The following SPIDR variants were observed in gnomAD, a reference collection of about 807,000 sequenced individuals.
The protein encoded by SPIDR is DNA repair-scaffolding protein.
Under a neutral mutation model 104.6 loss-of-function variants are expected in SPIDR, and 93 were observed. The observed-to-expected ratio is 0.89, with a 90% CI of 0.75 to 1.06. The LOEUF (loss-of-function observed/expected upper bound fraction) is 1.06, where lower values mean the gene tolerates loss of function less well. Ranked by LOEUF, SPIDR falls within the 50% of genes least tolerant of loss-of-function variation. The probability of loss-of-function intolerance (pLI) is 0.00; values close to 1 mark genes in which losing one functional copy is unlikely to be tolerated. For missense variants in SPIDR, 1,154 were observed against 1,111.2 expected (o/e 1.04, Z -0.55); for synonymous variants, 431 against 416.9 (o/e 1.03, Z -0.41).
At chr8:47,713,281 G>A (rs2082125397) in intron 15 of SPIDR, 2 of 674,774 alleles carry the variant, frequency 3.0e-6, no homozygotes, top group East Asian at 2.7e-5. Flanking sequence ...ACCCTGTGTG[G>A]ATTGACTTGA....
At chr8:47,505,655 G>C (rs746092625) in intron 8 of SPIDR, among the ~76,000 whole-genome samples, 4 of 152,004 alleles carry the variant, frequency 2.6e-5, no homozygotes, top group Non-Finnish European at 1.5e-5. Context: ...ATACTCCCCA[G>C]TGCGATACCT....
chr8:47,613,089 A>G (rs2063809200), intron 10 of SPIDR, among the ~76,000 whole-genome samples: 1 of 152,214 alleles, frequency 6.6e-6, no homozygotes, highest in Non-Finnish European at 1.5e-5. Context: ...CCAACTCTAT[A>G]TCATTCCAAA....
chr8:47,306,137 A>G (rs2043055888), intron 5 of SPIDR, among the ~76,000 whole-genome samples: 1 of 152,068 alleles, frequency 6.6e-6, no homozygotes, highest in South Asian at 2.1e-4. Context: ...CCATGTTGTT[A>G]GAATTTTTTA....
intron 5 of SPIDR, among the ~76,000 whole-genome samples, chr8:47,356,435 A>G (rs1170172595): frequency 6.6e-6 from 1 of 152,192 alleles, no homozygotes; most frequent in Non-Finnish European, 1.5e-5. Context: ...TTAACCAAAT[A>G]TGTCTCCTGA....
chr8:47,555,915 A>G (rs1163205557), intron 8 of SPIDR, among the ~76,000 whole-genome samples: 1 of 152,264 alleles, frequency 6.6e-6, no homozygotes, highest in Non-Finnish European at 1.5e-5. Flanking sequence ...GAATGTTGAC[A>G]GTAGTCTGTC....
At chr8:47,448,636 G>A (rs2071130284) in intron 8 of SPIDR, among the ~76,000 whole-genome samples, 1 of 152,026 alleles carries the variant, frequency 6.6e-6, no homozygotes, top group Non-Finnish European at 1.5e-5. Context: ...TAGGGTGGGT[G>A]GTTATGTATG....
At chr8:47,299,726 T>G (rs1176454807) in intron 5 of SPIDR, among the ~76,000 whole-genome samples, 5 of 152,244 alleles carry the variant, frequency 3.3e-5, no homozygotes, top group Non-Finnish European at 7.3e-5. Flanking sequence ...TTTTACTCGT[T>G]GGTTCTGTTT....
intron 8 of SPIDR, among the ~76,000 whole-genome samples, chr8:47,492,392 T>C (rs2078859393): frequency 6.6e-6 from 1 of 152,184 alleles, no homozygotes; most frequent in Non-Finnish European, 1.5e-5. Flanking sequence ...CAGCCAGGTC[T>C]CTCATCCCCA....
rs370670349 is a variant in SPIDR, at chr8:47,495,989, G to C, written c.1097+55447G>C. ...TTTTAATTTCATTTTCATATTGTCTGATCATATAGAAATACAATTTAAATT... is the reference window on the plus strand; with the variant it reads ...TTTTAATTTCATTTTCATATTGTCTCATCATATAGAAATACAATTTAAATT... On this transcript the variant is annotated intron_variant, in intron 8 of 19. Coordinates refer to ENST00000297423, the MANE Select transcript of SPIDR (RefSeq NM_001080394.4). 2.6e-5 allele frequency among the ~76,000 whole-genome samples: 4 copies of C among 151,954 alleles called. No homozygotes were observed. In the East Asian group the frequency reaches 7.7e-4, roughly 29 times the overall value.
intron 3 of SPIDR, among the ~76,000 whole-genome samples, chr8:47,287,013 TAAAG>T (rs1465890136): frequency 1.3e-5 from 2 of 151,936 alleles, no homozygotes; most frequent in African/African-American, 4.8e-5. Context: ...AGCTGAGAAA[TAAAG>T]AGAAAGAGTA....
chr8:47,721,804 G>A (rs943324514), intron 16 of SPIDR, among the ~76,000 whole-genome samples: 2 of 152,078 alleles, frequency 1.3e-5, no homozygotes, highest in Non-Finnish European at 1.5e-5. Flanking sequence ...TCTTGAAGTC[G>A]GGTACTGTCA....
rs199888365 is a variant in SPIDR at position 47,396,494 on chromosome 8, A to G, written c.644A>G (p.Asp215Gly). ...AAATACCACGTGCAGTTTGCATCGG[A>G]TGCAAGACAGATTATGGAGAGACTG... ...PHKYHVQFAS[D>G]ARQIMERLID... Residue 215 changes from aspartate (D) to glycine (G), a missense_variant, in exon 6 of 20, where the codon GAT becomes GGT. By Grantham distance (94) the Asp-to-Gly change is moderately conservative (BLOSUM62 -1). Coordinates refer to ENST00000297423, the MANE Select transcript of SPIDR (RefSeq NM_001080394.4). 442 of 1,614,178 alleles carry G rather than the reference A, an allele frequency of 2.7e-4. 8 individuals are homozygous for G. The South Asian group carries it at 4.6e-3, about 17-fold the overall frequency.
At chr8:47,470,188 T>A (rs2075474330) in intron 8 of SPIDR, among the ~76,000 whole-genome samples, 2 of 152,204 alleles carry the variant, frequency 1.3e-5, no homozygotes, top group African/African-American at 4.8e-5. Context: ...AGTAGGGTAC[T>A]AGTATAAGGA....
At chr8:47,321,796 C>G (rs938717302) in intron 5 of SPIDR, among the ~76,000 whole-genome samples, 2 of 152,126 alleles carry the variant, frequency 1.3e-5, no homozygotes, top group Non-Finnish European at 2.9e-5. Context: ...TGCCACATAT[C>G]TACAACCATC....
At chr8:47,330,389 A>G (rs1361771359) in intron 5 of SPIDR, among the ~76,000 whole-genome samples, 1 of 152,200 alleles carries the variant, frequency 6.6e-6, no homozygotes, top group Admixed American at 6.5e-5. Flanking sequence ...ACTAGTTTCT[A>G]TCAGGGTTAA....
intron 7 of SPIDR, among the ~76,000 whole-genome samples, chr8:47,431,655 T>C (rs2067382302): frequency 6.6e-6 from 1 of 152,170 alleles, no homozygotes; most frequent in Non-Finnish European, 1.5e-5. Flanking sequence ...TGGTCAGTCT[T>C]GTCTACTTTT....
chr8:47,622,849 C>T lies in SPIDR; in HGVS notation c.1544+23653C>T, dbSNP rs117410229. Among the ~76,000 whole-genome samples, 68 of 152,246 alleles carry T rather than the reference C, an allele frequency of 4.5e-4. No individual in the cohort carries two copies. The East Asian group carries it at 0.013, about 29-fold the overall frequency. On this transcript the variant is annotated intron_variant, in intron 10 of 19. Transcript: ENST00000297423. ...GTCAAGCCCATAATATGAAATTATC[C>T]AGGCACCCTCTTTGGTTTATTCTTG...
intron 8 of SPIDR, among the ~76,000 whole-genome samples, chr8:47,587,944 T>C (rs1194669545): frequency 6.8e-6 from 1 of 147,842 alleles, no homozygotes; most frequent in Non-Finnish European, 1.5e-5. Context: ...TTAGGGAAAG[T>C]GATCTCCTTT....
At chr8:47,425,411 A>G (rs2154336920) in intron 7 of SPIDR, among the ~76,000 whole-genome samples, 1 of 152,234 alleles carries the variant, frequency 6.6e-6, no homozygotes, top group African/African-American at 2.4e-5. Context: ...GAGAGAGAAA[A>G]TCGGGACAGG....
Sources: allele counts gnomAD v4.1 joint callset (sites outside exome capture counted in the v4.1 genomes callset), GRCh38; gene constraint gnomAD v4.1.1; transcripts MANE v1.5; gene names NCBI Gene and HGNC (gene_info 2026-07-23, HGNC 2026-07-21).